The following RRP1 variants were observed in gnomAD, a reference collection of about 807,000 sequenced individuals.
The protein encoded by RRP1 is ribosomal RNA processing protein 1 homolog A.
In RRP1, 37 loss-of-function variants were observed where a neutral mutation model predicts 54.6. That is an observed-to-expected ratio of 0.68 (90% CI 0.52 to 0.89). The LOEUF is 0.89. RRP1 is among the 40% of genes least tolerant of loss of function. The probability of loss-of-function intolerance (pLI) is 0.00; values close to 1 mark genes in which losing one functional copy is unlikely to be tolerated. For missense variants in RRP1, 639 were observed against 612.5 expected, an observed-to-expected ratio of 1.04 and a Z score of -0.46; for synonymous variants, 262 against 244.3, an observed-to-expected ratio of 1.07 and a Z score of -0.67.
At chr21:43,801,518 A>G (rs8128720) in intron 11 of RRP1, among the ~76,000 whole-genome samples, 85,428 of 152,046 alleles carry the variant, frequency 0.56, 25,689 homozygotes, top group East Asian at 0.76. Flanking sequence ...TCTGTTGCCC[A>G]GGATGGCGTG....
In RRP1 at chr21:43,791,260, C is replaced by T. The variant is rs779308233; in HGVS notation, c.134-90C>T. On this transcript the variant is annotated intron_variant, in intron 1 of 12. Coordinates refer to ENST00000497547, the MANE Select transcript of RRP1 (RefSeq NM_003683.6). ...CCTTTACCGTAAGTGGGACTTTGGT[C>T]TCATTCAGGCAGTCACGTTTCTGTG... 3.9e-4 allele frequency: 527 copies of T among 1,358,694 alleles called. 1 individual carries two copies. The highest frequency in any genetic ancestry group is 1.3e-3 in the South Asian group (115 of 85,232). 84.2% of individuals were successfully genotyped at this position (1,358,694 alleles called of 1,614,324 possible). A position where few individuals can be genotyped will look rare whatever the true frequency, so the allele number is the denominator to read the frequency against.
rs2085117762 is a variant in RRP1 at position 43,803,796 on chromosome 21, C to T, written c.*22C>T. 8.4e-6 allele frequency: 13 copies of T among 1,549,794 alleles called. No individual in the cohort carries two copies. The highest frequency in any genetic ancestry group is 1.1e-5 in the Non-Finnish European group (13 of 1,143,826). On this transcript the variant is annotated 3_prime_UTR_variant, in exon 13 of 13. Coordinates refer to ENST00000497547, the MANE Select transcript of RRP1 (RefSeq NM_003683.6). Reference sequence around the variant, plus strand: ...GTGATGTGGCCGGGCCAAGGACAGGCAGGGAGGGAGGCCAGGCCTCGCTTG... The same window carrying T: ...GTGATGTGGCCGGGCCAAGGACAGGTAGGGAGGGAGGCCAGGCCTCGCTTG...
chr21:43,791,400 T>G lies in RRP1; in HGVS notation c.184T>G (p.Cys62Gly), dbSNP rs2084956194. 6.2e-7 allele frequency: 1 copy of G among 1,613,920 alleles called. No individual in the cohort carries two copies. The highest frequency in any genetic ancestry group is 1.1e-5 in the South Asian group (1 of 91,086). Residue 62 changes from cysteine (C) to glycine (G), a missense_variant, in exon 2 of 13, where the codon TGC becomes GGC. Transcript: ENST00000497547. ...GAAGGTGTGGAAAGGACTGTTTTAT[T>G]GCATGTGGATGCAGGACAAGCCACT... is the stretch of plus-strand genomic sequence containing the variant. Reference protein sequence around the residue: ...LLKVWKGLFYCMWMQDKPLLQ... With the variant: ...LLKVWKGLFYGMWMQDKPLLQ...
intron 9 of RRP1, 65 bp from the exon 10 acceptor site, chr21:43,800,452 C>A (rs2085074194): frequency 1.3e-6 from 2 of 1,506,108 alleles, no homozygotes; most frequent in Admixed American, 3.4e-5. Context: ...CTCAGGGGTT[C>A]CACGTTCTCG....
At chr21:43,800,197 CTG>C (rs985965449) in intron 9 of RRP1, among the ~76,000 whole-genome samples, 35 of 152,388 alleles carry the variant, frequency 2.3e-4, no homozygotes, top group African/African-American at 8.4e-4. Context: ...TCGTGCTTGT[CTG>C]TGTGGTTCCT....
intron 4 of RRP1, 122 bp downstream of exon 4, chr21:43,793,526 G>A: frequency 1.3e-6 from 1 of 754,586 alleles, no homozygotes; most frequent in South Asian, 1.6e-5. Context: ...GAAGCCAGGG[G>A]TGGGAGGTGG....
intron 1 of RRP1, chr21:43,790,586 T>C (rs1263120023): frequency 6.1e-6 from 1 of 162,940 alleles, no homozygotes; most frequent in Non-Finnish European, 1.3e-5. Flanking sequence ...AAATTAAAAT[T>C]TTTTGTTATT....
intron 4 of RRP1, 151 bp from the exon 5 acceptor site, chr21:43,795,038 C>T (rs2085003718): frequency 1.4e-6 from 1 of 719,988 alleles, no homozygotes; most frequent in Non-Finnish European, 2.4e-6. Context: ...GTCTGTCTGT[C>T]AGCAGCTCTG....
chr21:43,801,791 A>G (rs2085094916), intron 11 of RRP1, among the ~76,000 whole-genome samples: 2 of 152,216 alleles, frequency 1.3e-5, no homozygotes, highest in South Asian at 4.1e-4. Context: ...CAGCATGAGC[A>G]TTGTAGGCTG....
intron 4 of RRP1, among the ~76,000 whole-genome samples, chr21:43,794,700 G>A (rs2838367): frequency 0.39 from 58,976 of 152,060 alleles, 12,212 homozygotes; most frequent in East Asian, 0.68. Context: ...GAGGCTTGGC[G>A]GGAGGGCCTT....
intron 1 of RRP1, 31 bp downstream of exon 1, chr21:43,789,793 G>C (rs1024555666): frequency 6.7e-7 from 1 of 1,486,752 alleles, no homozygotes; most frequent in East Asian, 2.8e-5. Context: ...CTGGCGTCTC[G>C]GGGGCCGGCT....
Position 43,799,642 on chromosome 21 carries a change from T to C in RRP1, c.884T>C (p.Val295Ala). The change falls in exon 9 of 13, where the codon GTT becomes GCT. Residue 295 changes from valine to alanine, a missense_variant. Coordinates refer to ENST00000497547, the MANE Select transcript of RRP1 (RefSeq NM_003683.6). Reference sequence around the variant, plus strand: ...GACGACAGGGACAGTGGCGGCCCCGTTCTCCAGGTGGGTTCCCTGGGCTCA... The same window carrying C: ...GACGACAGGGACAGTGGCGGCCCCGCTCTCCAGGTGGGTTCCCTGGGCTCA... ...AGDDRDSGGP[V>A]LQFDYEAVAN... is the part of the protein sequence containing the mutation. 6.2e-7 allele frequency: 1 copy of C among 1,609,972 alleles called. No homozygotes were observed. Among genetic ancestry groups the C allele is most frequent in the East Asian group, 2.2e-5 (1 of 44,748 alleles).
rs2085004698 is a variant in RRP1 at position 43,795,107 on chromosome 21, G to T, written c.361-82G>T. 4.6e-6 allele frequency: 6 copies of T among 1,309,054 alleles called. No individual in the cohort carries two copies. The South Asian group carries it at 7.2e-5, about 16-fold the overall frequency. The allele number at this position is 1,309,054 out of a possible 1,614,324, so 81.1% of individuals were successfully genotyped here. On this transcript the variant is annotated intron_variant, in intron 4 of 12. Coordinates refer to ENST00000497547, the MANE Select transcript of RRP1 (RefSeq NM_003683.6). ...ACCACGGCCATGACTTTATCCTGCA[G>T]CGGATGGTGGTACATGGGGATGGGT...
At position 43,791,339 on chromosome 21, in the gene RRP1, T is replaced by C. The variant is rs775166480; in HGVS notation, c.134-11T>C. On this transcript the variant is annotated splice_polypyrimidine_tract_variant and intron_variant, in intron 1 of 12. Coordinates refer to ENST00000497547, the MANE Select transcript of RRP1 (RefSeq NM_003683.6). ...GATTCATTTGGTCCAACCGTTGCTG[T>C]TTTGATGCAGGTGGTTTTACGCACG... 1 of 1,613,448 alleles carries C rather than the reference T, an allele frequency of 6.2e-7. No homozygotes were observed. Among genetic ancestry groups the C allele is most frequent in the South Asian group, 1.1e-5 (1 of 91,062 alleles).
In RRP1 at chr21:43,799,784, C is replaced by T. The variant is rs536028604; in HGVS notation, c.891+135C>T. 81 of 790,350 alleles carry T rather than the reference C, an allele frequency of 1.0e-4. No individual in the cohort carries two copies. The African/African-American group carries it at 1.3e-3, about 13-fold the overall frequency. 49.0% of individuals were successfully genotyped at this position (790,350 alleles called of 1,614,324 possible). Reference sequence around the variant, plus strand: ...GGAGAGTTACCCGGACAGGGGTTAGCTTTGAAGGAGGGATGGGTGCCCCAA... The same window carrying T: ...GGAGAGTTACCCGGACAGGGGTTAGTTTTGAAGGAGGGATGGGTGCCCCAA... On this transcript the variant is annotated intron_variant, in intron 9 of 12. Coordinates refer to ENST00000497547, the MANE Select transcript of RRP1 (RefSeq NM_003683.6).
At chr21:43,797,885 C>T (rs559796699) in intron 7 of RRP1, 22 bp from the exon 8 acceptor site, 80 of 1,604,044 alleles carry the variant, frequency 5.0e-5, no homozygotes, top group African/African-American at 8.0e-5. Context: ...GCCTGCTCAC[C>T]GGCCTCTGCT....
chr21:43,789,806 G>A lies in RRP1; in HGVS notation c.133+44G>A, dbSNP rs1162034756. On this transcript the variant is annotated intron_variant, in intron 1 of 12. Coordinates refer to ENST00000497547, the MANE Select transcript of RRP1 (RefSeq NM_003683.6). ...GGCTGGCGTCTCGGGGGCCGGCTGGGCTGGTGCGGGTGTGGGCGGCGGCGG... is the reference window on the plus strand; with the variant it reads ...GGCTGGCGTCTCGGGGGCCGGCTGGACTGGTGCGGGTGTGGGCGGCGGCGG... The A allele has an allele frequency of 2.0e-6, 3 of 1,472,244 alleles. No individual in the cohort carries two copies. In the South Asian group the frequency reaches 4.0e-5, roughly 19 times the overall value. 91.2% of individuals were successfully genotyped at this position (1,472,244 alleles called of 1,614,324 possible). A position where few individuals can be genotyped will look rare whatever the true frequency, so the allele number is the denominator to read the frequency against.
chr21:43,794,340 G>C (rs1396459332), intron 4 of RRP1, among the ~76,000 whole-genome samples: 2 of 152,178 alleles, frequency 1.3e-5, no homozygotes, highest in African/African-American at 2.4e-5. Flanking sequence ...GCTGAGATGT[G>C]GCTGCTGGGT....
rs144542519 is a variant in RRP1, at chr21:43,797,313, T to C, written c.423-109T>C. On this transcript the variant is annotated intron_variant, in intron 5 of 12. Transcript: ENST00000497547. ...TGGCATGTTTGCAGACAGTGGCGCCTGCCCGCACTTAGGTTCCCATCAGAG... is the reference window on the plus strand; with the variant it reads ...TGGCATGTTTGCAGACAGTGGCGCCCGCCCGCACTTAGGTTCCCATCAGAG... 1,272 of 1,488,550 alleles carry C rather than the reference T, an allele frequency of 8.5e-4. 9 individuals are homozygous for C. In the Middle Eastern group the frequency reaches 0.022, roughly 26 times the overall value. 92.2% of individuals were successfully genotyped at this position (1,488,550 alleles called of 1,614,324 possible).
Sources: gnomAD v4.1 joint callset for allele counts (sites outside exome capture counted in the v4.1 genomes callset) on GRCh38, gnomAD v4.1.1 for gene constraint, MANE v1.5 for transcripts, NCBI Gene and HGNC (gene_info 2026-07-23, HGNC 2026-07-21) for gene names.